The following PEG3 variants were observed in gnomAD, a reference collection of about 807,000 sequenced individuals.
PEG3 encodes the protein paternally-expressed gene 3 protein.
Under a neutral mutation model 35.5 loss-of-function variants are expected in PEG3, and 23 were observed. That is an observed-to-expected ratio of 0.65 (90% confidence interval 0.47 to 0.92). The LOEUF (loss-of-function observed/expected upper bound fraction) is 0.92, where lower values mean the gene tolerates loss of function less well. PEG3 is among the 40% of genes least tolerant of loss of function. The pLI, the probability that PEG3 is intolerant of heterozygous loss-of-function variation, is 0.00. For synonymous variants in PEG3, 707 were observed against 697.0 expected, an observed-to-expected ratio of 1.01 and a Z score of -0.23; for missense variants, 1,960 against 1,985.3, an observed-to-expected ratio of 0.99 and a Z score of 0.24.
Position 56,813,434 on chromosome 19 carries a change from A to G in PEG3, c.*241T>C. 1 of 1,311,064 alleles carries G rather than the reference A, an allele frequency of 7.6e-7. No homozygotes were observed. The allele number at this position is 1,311,064 out of a possible 1,614,324, so 81.2% of individuals were successfully genotyped here. On this transcript the variant is annotated 3_prime_UTR_variant, in exon 10 of 10. Transcript: ENST00000326441. ...GTTTTCTCAATCTGATTACTTGGAA[A>G]GGTAAGATGTGTGCTATGGCTTTCC...
At position 56,815,576 on chromosome 19, in the gene PEG3, G is replaced by A; in HGVS notation, c.2866C>T (p.Pro956Ser). 1 of 1,613,996 alleles carries A rather than the reference G, an allele frequency of 6.2e-7. No individual in the cohort carries two copies. Among genetic ancestry groups the A allele is most frequent in the Non-Finnish European group, 8.5e-7 (1 of 1,179,892 alleles). ...GGGCGAAATGTTTGTTCACCAAAAGGCAGAGAGTGAATTACAGAGGTCTCA... is the reference window on the plus strand; with the variant it reads ...GGGCGAAATGTTTGTTCACCAAAAGACAGAGAGTGAATTACAGAGGTCTCA... ...SNETSVIHSL[P>S]FGEQTFRPRG... is the part of the protein sequence containing the mutation. The change falls in exon 10 of 10, where the codon CCT becomes TCT. Residue 956 changes from proline (P) to serine (S), a missense_variant. By Grantham distance (74) the Pro-to-Ser change is moderately conservative (BLOSUM62 -1). This residue lies in a region of PEG3 where 798 missense variants were observed against 782.4 expected (regional missense o/e 1.02). Coordinates refer to ENST00000326441, the MANE Select transcript of PEG3 (RefSeq NM_006210.3).
In PEG3 at chr19:56,824,406, C is replaced by T; in HGVS notation, c.250G>A (p.Glu84Lys). The T allele has an allele frequency of 6.2e-7, 1 of 1,614,136 alleles. No individual in the cohort carries two copies. Among genetic ancestry groups the T allele is most frequent in the Admixed American group, 1.7e-5 (1 of 60,016 alleles). Residue 84 changes from glutamate to lysine, a missense_variant, in exon 4 of 10, where the codon GAG becomes AAG. Coordinates refer to ENST00000326441, the MANE Select transcript of PEG3 (RefSeq NM_006210.3). Reference protein sequence around the residue: ...WLQPETRTKEEIIELLVLEQY... With the variant: ...WLQPETRTKEKIIELLVLEQY... ...TCAAGGACCAAGAGCTCGATGATCT[C>T]CTCCTTGGTGCGGGTCTCCGGCTGC...
intron 2 of PEG3, among the ~76,000 whole-genome samples, chr19:56,832,255 C>T (rs896239205): frequency 1.3e-5 from 2 of 152,224 alleles, no homozygotes; most frequent in Non-Finnish European, 2.9e-5. Flanking sequence ...TGTTACAGCA[C>T]ATCAGGCCCT....
intron 1 of PEG3, among the ~76,000 whole-genome samples, chr19:56,837,117 T>C (rs2062225982): frequency 6.6e-6 from 1 of 152,054 alleles, no homozygotes; most frequent in African/African-American, 2.4e-5. Context: ...AAGTGAGCTC[T>C]AGGACTCCGT....
chr19:56,815,332 C>T lies in PEG3; in HGVS notation c.3110G>A (p.Arg1037Lys), dbSNP rs770442233. 1.9e-6 allele frequency: 3 copies of T among 1,614,236 alleles called. No individual in the cohort carries two copies. Among genetic ancestry groups the T allele is most frequent in the Non-Finnish European group, 2.5e-6 (3 of 1,180,040 alleles). The change falls in exon 10 of 10, where the codon AGA (arginine) becomes AAA (lysine). Residue 1037 changes from arginine to lysine, a missense_variant. By Grantham distance (26) the Arg-to-Lys change is conservative (BLOSUM62 2). Coordinates refer to ENST00000326441, the MANE Select transcript of PEG3 (RefSeq NM_006210.3). The part of the protein sequence containing the change: ...EQARNKCKDF[R>K]QFFATSEDLN... ...GTCTTCGCTGGTAGCAAAAAATTGT[C>T]TGAAGTCCTTACATTTGTTCCGCGC...
intron 1 of PEG3, among the ~76,000 whole-genome samples, chr19:56,837,226 C>A (rs1234615960): frequency 6.6e-6 from 1 of 152,026 alleles, no homozygotes; most frequent in African/African-American, 2.4e-5. Context: ...TCTCCAGAGG[C>A]CCCACCCTAC....
intron 4 of PEG3, 84 bp from the exon 5 acceptor site, chr19:56,823,763 T>C: frequency 6.8e-7 from 1 of 1,468,522 alleles, no homozygotes; most frequent in Non-Finnish European, 9.5e-7. Flanking sequence ...CGCATCTCCC[T>C]GTCACAGACA....
Position 56,817,057 on chromosome 19 carries a change from C to T in PEG3, c.1385G>A (p.Ser462Asn). ...YVCDECGRSF[S>N]VISEFVEHQI... ...GTGCTCAACAAATTCTGAGATGACA[C>T]TGAACGACCTCCCACACTCATCACA... is the stretch of plus-strand genomic sequence containing the variant. The change falls in exon 10 of 10, where the codon AGT becomes AAT. Residue 462 changes from serine (S) to asparagine (N), a missense_variant. By Grantham distance (46) the Ser-to-Asn change is conservative. Transcript: ENST00000326441. 1 of 1,614,206 alleles carries T rather than the reference C, an allele frequency of 6.2e-7. No individual in the cohort carries two copies. Among genetic ancestry groups the T allele is most frequent in the Non-Finnish European group, 8.5e-7 (1 of 1,180,036 alleles).
Position 56,813,573 on chromosome 19 carries a change from G to A in PEG3, c.*102C>T. The A allele has an allele frequency of 6.8e-7, 1 of 1,471,864 alleles. No individual in the cohort carries two copies. Among genetic ancestry groups the A allele is most frequent in the East Asian group, 2.4e-5 (1 of 41,090 alleles). The allele number at this position is 1,471,864 out of a possible 1,614,324, so 91.2% of individuals were successfully genotyped here. On this transcript the variant is annotated 3_prime_UTR_variant, in exon 10 of 10. Transcript: ENST00000326441. Reference sequence around the variant, plus strand: ...TAAGTCAGGTGTGTAACACACTAAGGTTAAGTCTCCTACTGACATTATCAT... The same window carrying A: ...TAAGTCAGGTGTGTAACACACTAAGATTAAGTCTCCTACTGACATTATCAT...
chr19:56,827,956 AG>A (rs1209771891), intron 2 of PEG3, among the ~76,000 whole-genome samples: 1 of 152,216 alleles, frequency 6.6e-6, no homozygotes, highest in Admixed American at 6.5e-5. Flanking sequence ...CAGGAAAGGG[AG>A]GGCAACTTAC....
chr19:56,821,730 A>C lies in PEG3; in HGVS notation c.590T>G (p.Leu197Arg). The part of the protein sequence containing the change: ...RSRMPPRDLS[L>R]PVVAKTSFEM... The stretch of plus-strand genomic sequence containing the variant: ...AAAGCTTGTTTTCGCCACCACAGGA[A>C]GGGAAAGATCCCGCGGAGGCATCCC... The change falls in exon 7 of 10, where the codon CTT becomes CGT. Residue 197 changes from leucine (L) to arginine (R), a missense_variant. By Grantham distance (102) the Leu-to-Arg change is moderately radical. Transcript: ENST00000326441. 6.2e-7 allele frequency: 1 copy of C among 1,614,080 alleles called. No individual in the cohort carries two copies. The highest frequency in any genetic ancestry group is 8.5e-7 in the Non-Finnish European group (1 of 1,180,010).
Position 56,816,026 on chromosome 19 carries a change from T to C in PEG3, c.2416A>G (p.Thr806Ala), listed in dbSNP as rs2059946458. 1.9e-6 allele frequency: 3 copies of C among 1,593,942 alleles called. No individual in the cohort carries two copies. The highest frequency in any genetic ancestry group is 2.6e-6 in the Non-Finnish European group (3 of 1,170,532). The change falls in exon 10 of 10, where the codon ACC (threonine) becomes GCC (alanine). Residue 806 changes from threonine to alanine, a missense_variant. Coordinates refer to ENST00000326441, the MANE Select transcript of PEG3 (RefSeq NM_006210.3). The part of the protein sequence containing the change: ...PSKPKVMAES[T>A]IQSFDAINHQ... ...TTGATAGCATCGAAGCTCTGAATGG[T>C]AGACTCTGCCATTACTTTTGGTTTA...
chr19:56,825,025 A>G (rs997345184), intron 3 of PEG3: 11 of 193,866 alleles, frequency 5.7e-5, no homozygotes, highest in Non-Finnish European at 3.2e-5. Flanking sequence ...AATCTGAGAA[A>G]TAAGAATAAC....
intron 8 of PEG3, among the ~76,000 whole-genome samples, chr19:56,818,192 T>C (rs1356740753): frequency 6.6e-6 from 1 of 152,174 alleles, no homozygotes; most frequent in African/African-American, 2.4e-5. Context: ...CCCACTCCCT[T>C]GAGGCCCCAT....
intron 1 of PEG3, among the ~76,000 whole-genome samples, chr19:56,840,050 G>A (rs532466596): frequency 2.2e-4 from 33 of 152,340 alleles, no homozygotes; most frequent in African/African-American, 7.5e-4. Context: ...GAGGGTAGCC[G>A]GGCACGCCGG....
intron 3 of PEG3, among the ~76,000 whole-genome samples, chr19:56,826,176 C>G (rs1371577548): frequency 6.6e-6 from 1 of 152,180 alleles, no homozygotes; most frequent in Non-Finnish European, 1.5e-5. Flanking sequence ...ACCAGAGAGT[C>G]CAGGCTCCAG....
chr19:56,834,642 C>CCCTCGGGCAAAGGAGGTTTCCAAGTCT (rs2061900249), intron 2 of PEG3, among the ~76,000 whole-genome samples: 1 of 152,114 alleles, frequency 6.6e-6, no homozygotes, highest in Non-Finnish European at 1.5e-5. Flanking sequence ...CCAACATGAG[C>CCCTCGGGCAAAGGAGGTTTCCAAGTCT]CCTCGGGCAA....
chr19:56,822,422 C>T lies in PEG3; in HGVS notation c.565+331G>A, dbSNP rs112429239. ...ATTGTTACAATGTGTTTTTCATTCT[C>T]GCCTTCTGCCTATGGCACTTCATAC... On this transcript the variant is annotated intron_variant, in intron 6 of 9. Transcript: ENST00000326441. The T allele has an allele frequency of 1.9e-3, 497 of 263,578 alleles. 2 individuals are homozygous for T. The highest frequency in any genetic ancestry group is 9.5e-3 in the African/African-American group (426 of 45,076). The allele number at this position is 263,578 out of a possible 1,614,324, so 16.3% of individuals were successfully genotyped here. A position where few individuals can be genotyped will look rare whatever the true frequency, so the allele number is the denominator to read the frequency against.
In PEG3 at chr19:56,814,928, A is replaced by G. The variant is rs1218523261; in HGVS notation, c.3514T>C (p.Phe1172Leu). ...LYECPKCGESFIHSSFLFEHQ... is the reference protein window; with the variant it reads ...LYECPKCGESLIHSSFLFEHQ... ...TCGAAAAGGAATGAGCTATGAATAAAAGATTCCCCACACTTTGGACATTCA... is the reference window on the plus strand; with the variant it reads ...TCGAAAAGGAATGAGCTATGAATAAGAGATTCCCCACACTTTGGACATTCA... Residue 1172 changes from phenylalanine (F) to leucine (L), a missense_variant, in exon 10 of 10, where the codon TTT (phenylalanine) becomes CTT (leucine). Phe to Leu is a conservative substitution (Grantham distance 22, BLOSUM62 0). Coordinates refer to ENST00000326441, the MANE Select transcript of PEG3 (RefSeq NM_006210.3). This position sits in a 1 kb window ranked among gnomAD's most constrained non-coding sequence, Gnocchi z 5.8. 1 of 1,614,050 alleles carries G rather than the reference A, an allele frequency of 6.2e-7. No individual in the cohort carries two copies. The highest frequency in any genetic ancestry group is 1.3e-5 in the African/African-American group (1 of 74,916).
Sources: gnomAD v4.1 joint callset for allele counts (sites outside exome capture counted in the v4.1 genomes callset) on GRCh38, gnomAD v4.1.1 for gene constraint, gnomAD v4.1.1 regional missense constraint, Gnocchi (gnomAD v3.1) non-coding constraint, MANE v1.5 for transcripts, NCBI Gene and HGNC (gene_info 2026-07-23, HGNC 2026-07-21) for gene names.